The following STAG3 variants were observed in gnomAD, a reference collection of about 807,000 sequenced individuals.
STAG3 encodes the protein cohesin subunit SA-3.
Under a neutral mutation model 160.7 loss-of-function variants are expected in STAG3, and 101 were observed. The ratio of observed to expected loss-of-function variants is 0.63; its 90% CI spans 0.54 to 0.74. The LOEUF is 0.74. Ranked by LOEUF, STAG3 falls within the 30% of genes least tolerant of loss-of-function variation. The pLI, the probability that STAG3 is intolerant of heterozygous loss-of-function variation, is 0.00. For synonymous variants in STAG3, 519 were observed against 585.0 expected (o/e 0.89, Z 1.63); for missense variants, 1,188 against 1,517.4 (o/e 0.78, Z 3.61).
chr7:100,216,838 T>C (rs1179218220), downstream of STAG3, among the ~76,000 whole-genome samples: 1 of 152,150 alleles, frequency 6.6e-6, no homozygotes, highest in East Asian at 1.9e-4. Flanking sequence ...GGAGTACCTC[T>C]CAAAAACAGG....
intron 17 of STAG3, 52 bp downstream of exon 17, chr7:100,200,380 GC>G (rs2117306599): frequency 1.9e-6 from 3 of 1,612,738 alleles, no homozygotes; most frequent in African/African-American, 1.3e-5. Flanking sequence ...AAAGGAAATG[GC>G]CTCTGTGGGG....
intron 7 of STAG3, 107 bp from the exon 8 acceptor site, chr7:100,189,338 G>A (rs768929256): frequency 8.6e-6 from 11 of 1,278,038 alleles, no homozygotes; most frequent in Non-Finnish European, 1.2e-5. Context: ...ATCCTGCTCT[G>A]ACGTCTCATT....
At chr7:100,204,344 C>T (rs1801433943) in intron 26 of STAG3, among the ~76,000 whole-genome samples, 5 of 152,202 alleles carry the variant, frequency 3.3e-5, no homozygotes, top group East Asian at 3.9e-4. Context: ...GACATTGGAA[C>T]GCCAACAAGG....
chr7:100,202,617 AGAG>A, intron 25 of STAG3, 27 bp downstream of exon 25: 1 of 1,601,568 alleles, frequency 6.2e-7, no homozygotes, highest in Non-Finnish European at 8.5e-7. Context: ...CAGAAATAAA[AGAG>A]AAGGGAGCAA....
chr7:100,200,451 AGTTCTC>A lies in STAG3; in HGVS notation c.1771-1_1775del, dbSNP rs1322714645. 6.2e-7 allele frequency: 1 copy of A among 1,613,854 alleles called. No individual in the cohort carries two copies. Among genetic ancestry groups the A allele is most frequent in the East Asian group, 2.2e-5 (1 of 44,876 alleles). On this transcript the variant is annotated splice_acceptor_variant and coding_sequence_variant, in exon 18 of 34. Coordinates refer to ENST00000615138, the MANE Select transcript of STAG3 (RefSeq NM_001282717.2). LOFTEE classifies it high-confidence loss of function. ...AGGAGGCCTCCCTGTCAATCATCACAGTTCTCAGCTGATGCAGAGAAGGTCACTCCC... is the reference window on the plus strand; with the variant it reads ...AGGAGGCCTCCCTGTCAATCATCACAAGCTGATGCAGAGAAGGTCACTCCC...
rs371785356 is a variant in STAG3 at position 100,198,091 on chromosome 7, G to A, written c.1169G>A (p.Arg390Gln). The change falls in exon 12 of 34, where the codon CGG becomes CAG. Residue 390 changes from arginine to glutamine, a missense_variant. By Grantham distance (43) the Arg-to-Gln change is conservative (BLOSUM62 1). This residue lies in a region of STAG3 where 240 missense variants were observed against 358.1 expected (regional missense o/e 0.67). Coordinates refer to ENST00000615138, the MANE Select transcript of STAG3 (RefSeq NM_001282717.2). ...GTGACTTTCTCCTTTCTGCAGGACC[G>A]GATGGTTTCCATGGTCATGGACAGA... ...LELFTSRFKD[R>Q]MVSMVMDREY... The A allele has an allele frequency of 3.1e-6, 5 of 1,613,776 alleles. No individual in the cohort carries two copies. The African/African-American group carries it at 4.0e-5, about 13-fold the overall frequency.
At chr7:100,218,543 C>T (rs1474095685), downstream of STAG3, 1 of 319,912 alleles carries the variant, frequency 3.1e-6, no homozygotes, top group African/African-American at 2.2e-5. Flanking sequence ...TGCACTGTGG[C>T]CATGAGCTCT....
chr7:100,188,978 C>G lies in STAG3; in HGVS notation c.677C>G (p.Ser226Ter), dbSNP rs767350950. Residue 226 changes from serine (S) to a stop codon, truncating the protein, a stop_gained, in exon 7 of 34, where the codon TCA (serine) becomes TGA (stop). Transcript: ENST00000615138. LOFTEE classifies it high-confidence loss of function. ...TCCCTGCTCACTGGCCTCTCAGACT[C>G]ACAAGTCCGCGCCTTCCGTCACACT... ...LISLLTGLSDSQVRAFRHTST... is the reference protein window; with the variant it reads ...LISLLTGLSD 6.2e-7 allele frequency: 1 copy of G among 1,614,158 alleles called. No homozygotes were observed. The highest frequency in any genetic ancestry group is 1.3e-5 in the African/African-American group (1 of 75,030).
chr7:100,203,736 G>A (rs1801369497), intron 25 of STAG3, among the ~76,000 whole-genome samples: 1 of 151,966 alleles, frequency 6.6e-6, no homozygotes, highest in African/African-American at 2.4e-5. Context: ...GGATGGTCTC[G>A]ATCTCCTGAC....
Position 100,202,063 on chromosome 7 carries a change from A to G in STAG3, c.2394+22A>G. ...GCAGGTGAGTACTGACTCAAGTGGG[A>G]GCAACAAGGCGAGTATCCCTGCCCC... On this transcript the variant is annotated intron_variant, in intron 23 of 33. Transcript: ENST00000615138. 3 of 1,613,734 alleles carry G rather than the reference A, an allele frequency of 1.9e-6. No individual in the cohort carries two copies. The South Asian group carries it at 3.3e-5, about 18-fold the overall frequency.
In STAG3 at chr7:100,198,177, G is replaced by T. The variant is rs1443222246; in HGVS notation, c.1244+11G>T. The T allele has an allele frequency of 6.2e-7, 1 of 1,613,168 alleles. No homozygotes were observed. The highest frequency in any genetic ancestry group is 2.2e-5 in the East Asian group (1 of 44,878). On this transcript the variant is annotated intron_variant, in intron 12 of 33. Transcript: ENST00000615138. ...GATACTTATCCTTAAGTGAGTCCTG[G>T]GAAGAGGGGAGGCCAGTGTCTCAGA...
At position 100,197,877 on chromosome 7, in the gene STAG3, G is replaced by A; in HGVS notation, c.1164+1G>A. On this transcript the variant is annotated splice_donor_variant, in intron 11 of 33. Coordinates refer to ENST00000615138, the MANE Select transcript of STAG3 (RefSeq NM_001282717.2). LOFTEE classifies it high-confidence loss of function. Reference sequence around the variant, plus strand: ...GGAGCTCTTCACCAGCCGCTTCAAGGTAAAATGGGTGGTGCTCCATGGCTT... The same window carrying A: ...GGAGCTCTTCACCAGCCGCTTCAAGATAAAATGGGTGGTGCTCCATGGCTT... 1.2e-6 allele frequency: 2 copies of A among 1,613,210 alleles called. No individual in the cohort carries two copies. Among genetic ancestry groups the A allele is most frequent in the Non-Finnish European group, 1.7e-6 (2 of 1,179,262 alleles).
At chr7:100,213,667 GT>G (rs911839613) in intron 32 of STAG3, 67 bp from the exon 33 acceptor site, 41 of 1,611,486 alleles carry the variant, frequency 2.5e-5, no homozygotes, top group East Asian at 1.8e-4. Flanking sequence ...AAAGGAACTG[GT>G]TTTTTTATTT....
At chr7:100,202,739 T>G (rs998904926) in intron 25 of STAG3, 149 bp downstream of exon 25, 166 of 994,652 alleles carry the variant, frequency 1.7e-4, no homozygotes, top group Non-Finnish European at 4.1e-5. Context: ...GAGTTCAGAA[T>G]AAGGGGACAA....
At position 100,199,620 on chromosome 7, in the gene STAG3, T is replaced by C; in HGVS notation, c.1653T>C (p.Pro551=). The C allele has an allele frequency of 6.2e-7, 1 of 1,601,940 alleles. No individual in the cohort carries two copies. Among genetic ancestry groups the C allele is most frequent in the African/African-American group, 1.3e-5 (1 of 74,902 alleles). ...GGCAAGCTTCAGAGGGGCACCCGCC[T>C]GTGGGCCGGGTCACTGGGAGGAAGG... The part of the protein sequence containing the change: ...SARQASEGHP[P]VGRVTGRKGL... The change falls in exon 16 of 34, where the codon CCT becomes CCC. Residue 551 remains proline (P), a synonymous_variant. Transcript: ENST00000615138.
intron 8 of STAG3, among the ~76,000 whole-genome samples, chr7:100,192,095 C>T (rs542681527): frequency 6.6e-5 from 10 of 152,312 alleles, no homozygotes; most frequent in African/African-American, 1.7e-4. Flanking sequence ...TTCCACTGCA[C>T]GTGTAGTTTA....
chr7:100,205,073 C>T lies in STAG3; in HGVS notation c.3020C>T (p.Ala1007Val). 6.2e-7 allele frequency: 1 copy of T among 1,614,154 alleles called. No individual in the cohort carries two copies. The highest frequency in any genetic ancestry group is 1.1e-5 in the South Asian group (1 of 91,084). The change falls in exon 28 of 34, where the codon GCA (alanine) becomes GTA (valine). Residue 1007 changes from alanine to valine, a missense_variant. By Grantham distance (64) the Ala-to-Val change is moderately conservative. This residue lies in a region of STAG3 where 647 missense variants were observed against 717.2 expected (regional missense o/e 0.90). Coordinates refer to ENST00000615138, the MANE Select transcript of STAG3 (RefSeq NM_001282717.2). Reference sequence around the variant, plus strand: ...TCCTCCAATCAGCCTCCAAATCTGGCATTCCTGGAGCTCCTTTCAGAGTTT... The same window carrying T: ...TCCTCCAATCAGCCTCCAAATCTGGTATTCCTGGAGCTCCTTTCAGAGTTT... The part of the protein sequence containing the change: ...AGSSNQPPNL[A>V]FLELLSEFSP...
chr7:100,183,203 G>C (rs1219724810), intron 4 of STAG3, among the ~76,000 whole-genome samples: 1 of 152,082 alleles, frequency 6.6e-6, no homozygotes, highest in Non-Finnish European at 1.5e-5. Context: ...TAGTAGAGAT[G>C]GGGTTTCGCC....
rs12666107 is a variant in STAG3, at chr7:100,180,396, G to C, written c.-64-97G>C. 0.28 allele frequency: 170,120 copies of C among 601,726 alleles called. 27,845 individuals are homozygous for C. The highest frequency in any genetic ancestry group is 0.61 in the East Asian group (21,937 of 36,148). 37.3% of individuals were successfully genotyped at this position (601,726 alleles called of 1,614,324 possible). On this transcript the variant is annotated intron_variant, in intron 1 of 33. Transcript: ENST00000615138. ...TTTTGGTCCCCCTCACCTGACCCCA[G>C]AGTTCTAGAACCATTCCCTTGGAAA...
Sources: gnomAD v4.1 joint callset for allele counts (sites outside exome capture counted in the v4.1 genomes callset) on GRCh38, gnomAD v4.1.1 for gene constraint, gnomAD v4.1.1 regional missense constraint, MANE v1.5 for transcripts, NCBI Gene and HGNC (gene_info 2026-07-23, HGNC 2026-07-21) for gene names.